Variants in ZNF407 observed in about 807,000 individuals in gnomAD.
ZNF407 encodes zinc finger protein 407.
A neutral mutation model predicts 131.2 loss-of-function variants in ZNF407; 17 were observed. The observed-to-expected ratio is 0.13, with a 90% CI of 0.09 to 0.19. The LOEUF (loss-of-function observed/expected upper bound fraction) is 0.19, where lower values mean the gene tolerates loss of function less well. Among genes scored for constraint, ZNF407 ranks in the 10% least tolerant of loss-of-function variants. The pLI is 1.00. For missense variants in ZNF407, 2,681 were observed against 2,830.6 expected, an observed-to-expected ratio of 0.95 and a Z score of 1.20; for synonymous variants, 1,156 against 1,062.0, an observed-to-expected ratio of 1.09 and a Z score of -1.72.
At chr18:74,650,153 G>A (rs1242265166) in intron 3 of ZNF407, among the ~76,000 whole-genome samples, 1 of 152,124 alleles carries the variant, frequency 6.6e-6, no homozygotes, top group Non-Finnish European at 1.5e-5. Context: ...ACAAATAATC[G>A]AAAATGTCTT....
At chr18:74,674,274 G>A (rs867630197) in intron 3 of ZNF407, among the ~76,000 whole-genome samples, 61 of 152,290 alleles carry the variant, frequency 4.0e-4, no homozygotes, top group African/African-American at 1.4e-3. Flanking sequence ...GGTGGCTCGT[G>A]AGAACCACTT....
intron 3 of ZNF407, among the ~76,000 whole-genome samples, chr18:74,655,815 G>A (rs1985430251): frequency 6.6e-6 from 1 of 152,094 alleles, no homozygotes; most frequent in Admixed American, 6.6e-5. Flanking sequence ...GTCGGTTCAA[G>A]GTTTAGCTTG....
chr18:74,628,595 A>G (rs1410526760), intron 1 of ZNF407, among the ~76,000 whole-genome samples: 1 of 151,794 alleles, frequency 6.6e-6, no homozygotes, highest in African/African-American at 2.4e-5. Context: ...TATTTATTAT[A>G]TTTTCAGAGA....
intron 8 of ZNF407, among the ~76,000 whole-genome samples, chr18:75,035,499 C>T (rs1442974050): frequency 6.6e-6 from 1 of 152,176 alleles, no homozygotes; most frequent in Non-Finnish European, 1.5e-5. Flanking sequence ...TAGAATGGAC[C>T]TCAGGGTCTC....
In ZNF407 at chr18:74,947,122, G is replaced by A. The variant is rs115079310; in HGVS notation, c.5428+26430G>A. Among the ~76,000 whole-genome samples, 1,309 of 152,210 alleles carry A rather than the reference G, an allele frequency of 8.6e-3. 19 individuals carry two copies. Among genetic ancestry groups the A allele is most frequent in the African/African-American group, 0.029 (1,188 of 41,546 alleles). On this transcript the variant is annotated intron_variant, in intron 8 of 8. Coordinates refer to ENST00000299687, the MANE Select transcript of ZNF407 (RefSeq NM_017757.3). ...TTCCACACCAGACTATGCTGAAACC[G>A]TTCAGTTCACCAAGAAATTACCCTA...
intron 8 of ZNF407, among the ~76,000 whole-genome samples, chr18:74,960,621 G>A (rs1972330263): frequency 7.2e-6 from 1 of 138,418 alleles, no homozygotes; most frequent in Admixed American, 7.1e-5. Flanking sequence ...TTGAGTCAGT[G>A]CTGGGTGGAG....
At position 74,634,536 on chromosome 18, in the gene ZNF407, G is replaced by T. The variant is rs1281658706; in HGVS notation, c.3517G>T (p.Val1173Phe). 2 of 1,613,796 alleles carry T rather than the reference G, an allele frequency of 1.2e-6. No homozygotes were observed. Among genetic ancestry groups the T allele is most frequent in the Non-Finnish European group, 1.7e-6 (2 of 1,179,884 alleles). ...TTGTGAGACTTTCCAACAGGCTCCT[G>T]TCAAGGATAAAGTTAGGAAACCTGA... ...SFCETFQQAP[V>F]KDKVRKPEEM... Residue 1173 changes from valine (V) to phenylalanine (F), a missense_variant, in exon 2 of 9, where the codon GTC becomes TTC. Physicochemically the swap from Val to Phe is conservative, Grantham distance 50 (BLOSUM62 -1). Around this residue, in one of 6 missense-constraint regions of ZNF407, gnomAD observed 1,789 missense variants for 1,748.7 expected, o/e 1.02. Coordinates refer to ENST00000299687, the MANE Select transcript of ZNF407 (RefSeq NM_017757.3).
intron 7 of ZNF407, among the ~76,000 whole-genome samples, chr18:74,910,367 A>G (rs1051209346): frequency 1.3e-5 from 2 of 152,152 alleles, no homozygotes; most frequent in East Asian, 3.8e-4. Flanking sequence ...TTGCTTGCTT[A>G]TATTTTATAG....
At chr18:74,638,911 G>A (rs186644298) in intron 2 of ZNF407, among the ~76,000 whole-genome samples, 2 of 152,170 alleles carry the variant, frequency 1.3e-5, no homozygotes, top group East Asian at 3.9e-4. Flanking sequence ...AGGAAAAAAG[G>A]GCCCTTTTTT....
intron 3 of ZNF407, among the ~76,000 whole-genome samples, chr18:74,770,516 T>C (rs1274073393): frequency 6.6e-6 from 1 of 152,188 alleles, no homozygotes; most frequent in Non-Finnish European, 1.5e-5. Context: ...TAAAATAACC[T>C]TAATGCTTTT....
At chr18:74,832,791 C>T (rs1050122489) in intron 4 of ZNF407, among the ~76,000 whole-genome samples, 11 of 152,170 alleles carry the variant, frequency 7.2e-5, no homozygotes, top group Non-Finnish European at 1.5e-4. Context: ...CTGTTTCTTA[C>T]ACACATATGT....
At chr18:74,622,694 G>T (rs1028869922) in intron 1 of ZNF407, among the ~76,000 whole-genome samples, 1 of 152,076 alleles carries the variant, frequency 6.6e-6, no homozygotes, top group African/African-American at 2.4e-5. Flanking sequence ...GGCTGGATGG[G>T]AGAGGATGGG....
chr18:74,959,099 G>A (rs1972309615), intron 8 of ZNF407, among the ~76,000 whole-genome samples: 1 of 152,190 alleles, frequency 6.6e-6, no homozygotes, highest in African/African-American at 2.4e-5. Context: ...TTTTCATAAA[G>A]TCTAGTCTTT....
chr18:74,634,661 G>C lies in ZNF407; in HGVS notation c.3642G>C (p.Lys1214Asn), dbSNP rs1437942074. The change falls in exon 2 of 9, where the codon AAG becomes AAC. Residue 1214 changes from lysine (K) to asparagine (N), a missense_variant. Coordinates refer to ENST00000299687, the MANE Select transcript of ZNF407 (RefSeq NM_017757.3). ...GSSALNCETAKKNHEISNDAG... is the reference protein window; with the variant it reads ...GSSALNCETANKNHEISNDAG... ...CTGCCTTAAATTGTGAGACAGCAAA[G>C]AAAAACCATGAGATATCGAATGATG... is the stretch of plus-strand genomic sequence containing the variant. 6.2e-7 allele frequency: 1 copy of C among 1,613,994 alleles called. No individual in the cohort carries two copies. The highest frequency in any genetic ancestry group is 2.2e-5 in the East Asian group (1 of 44,872).
At chr18:74,869,357 A>G (rs1422111631) in intron 4 of ZNF407, among the ~76,000 whole-genome samples, 2 of 152,194 alleles carry the variant, frequency 1.3e-5, no homozygotes, top group East Asian at 3.8e-4. Context: ...TTCTATGGTT[A>G]GTTAAAATTG....
chr18:74,872,381 C>T (rs1441641503), intron 4 of ZNF407, among the ~76,000 whole-genome samples: 1 of 152,136 alleles, frequency 6.6e-6, no homozygotes, highest in South Asian at 2.1e-4. Flanking sequence ...TATTCATTTT[C>T]ACTGTATTAT....
At chr18:74,841,664 C>T (rs907386250) in intron 4 of ZNF407, among the ~76,000 whole-genome samples, 3 of 152,174 alleles carry the variant, frequency 2.0e-5, no homozygotes, top group African/African-American at 4.8e-5. Context: ...AGAATCATTT[C>T]AAGGCTTCTA....
chr18:74,716,639 C>A (rs749529173), intron 3 of ZNF407, among the ~76,000 whole-genome samples: 1 of 151,990 alleles, frequency 6.6e-6, no homozygotes, highest in Admixed American at 6.6e-5. Flanking sequence ...TGAAAACCTG[C>A]TTGGTGAAGT....
intron 4 of ZNF407, among the ~76,000 whole-genome samples, chr18:74,793,768 A>T (rs1969868068): frequency 6.6e-6 from 1 of 152,202 alleles, no homozygotes; most frequent in African/African-American, 2.4e-5. Flanking sequence ...TTGGCAGAAG[A>T]GGGAACATCA....
Sources: gnomAD v4.1 joint callset for allele counts (sites outside exome capture counted in the v4.1 genomes callset) on GRCh38, gnomAD v4.1.1 for gene constraint, gnomAD v4.1.1 regional missense constraint, MANE v1.5 for transcripts, NCBI Gene and HGNC (gene_info 2026-07-23, HGNC 2026-07-21) for gene names.